Variants in HS3ST5 observed in about 807,000 individuals in gnomAD.
The protein encoded by HS3ST5 is heparan sulfate-glucosamine 3-sulfotransferase 5.
HS3ST5 carries 10 observed loss-of-function variants against 25.4 expected under a neutral mutation model. The ratio of observed to expected loss-of-function variants is 0.39; its 90% CI spans 0.24 to 0.67. The LOEUF (loss-of-function observed/expected upper bound fraction) is 0.67. Among genes scored for constraint, HS3ST5 ranks in the 30% least tolerant of loss-of-function variants. The pLI is 0.44. For missense variants in HS3ST5, 324 were observed against 420.7 expected, an observed-to-expected ratio of 0.77 and a Z score of 2.01; for synonymous variants, 170 against 162.4, an observed-to-expected ratio of 1.05 and a Z score of -0.36.
At chr6:114,309,589 C>T (rs1455070456) in intron 1 of HS3ST5, among the ~76,000 whole-genome samples, 1 of 151,954 alleles carries the variant, frequency 6.6e-6, no homozygotes, top group African/African-American at 2.4e-5. Flanking sequence ...AAAAATTAAC[C>T]GGGCTTGGTG....
In HS3ST5 at chr6:114,068,728, T is replaced by G. The variant is rs192730863; in HGVS notation, c.-32-5851A>C. 2.0e-5 allele frequency among the ~76,000 whole-genome samples: 3 copies of G among 152,122 alleles called. No individual in the cohort carries two copies. The East Asian group carries it at 5.8e-4, about 29-fold the overall frequency. ...TGGGAAATTTATATAAAACTAAAGT[T>G]TTTTTTTAGAAAGTTTATTATTTCT... is the stretch of plus-strand genomic sequence containing the variant. On this transcript the variant is annotated intron_variant, in intron 3 of 4. Coordinates refer to ENST00000312719, the MANE Select transcript of HS3ST5 (RefSeq NM_153612.4).
chr6:114,271,853 T>C (rs977645950), intron 1 of HS3ST5, among the ~76,000 whole-genome samples: 9 of 152,106 alleles, frequency 5.9e-5, no homozygotes, highest in Non-Finnish European at 1.3e-4. Context: ...TTTTCCACTC[T>C]ATGATTGCCA....
intron 1 of HS3ST5, among the ~76,000 whole-genome samples, chr6:114,242,785 G>T (rs1441968131): frequency 4.6e-5 from 7 of 151,326 alleles, no homozygotes; most frequent in African/African-American, 1.7e-4. Context: ...CCCGGGAAGC[G>T]GAGCTTGCAG....
At chr6:114,127,009 G>A (rs1396414318) in intron 3 of HS3ST5, among the ~76,000 whole-genome samples, 1 of 152,052 alleles carries the variant, frequency 6.6e-6, no homozygotes, top group East Asian at 1.9e-4. Context: ...ATATATAAGA[G>A]GTCATTATAA....
chr6:114,120,461 T>C (rs370175844), intron 3 of HS3ST5, among the ~76,000 whole-genome samples: 177 of 152,346 alleles, frequency 1.2e-3, no homozygotes, highest in African/African-American at 3.2e-3. Flanking sequence ...TATCTAACTT[T>C]GAGATTACAT....
chr6:114,180,192 A>G (rs1009157546), intron 2 of HS3ST5, among the ~76,000 whole-genome samples: 1 of 151,986 alleles, frequency 6.6e-6, no homozygotes, highest in African/African-American at 2.4e-5. Context: ...CTTCAATCCA[A>G]TCAAGTTGAC....
chr6:114,247,926 G>A (rs923598268), intron 1 of HS3ST5, among the ~76,000 whole-genome samples: 3 of 151,490 alleles, frequency 2.0e-5, no homozygotes, highest in Admixed American at 6.6e-5. Flanking sequence ...TAAGCCAGGC[G>A]CAGTGGCTCA....
In HS3ST5 at chr6:114,098,613, C is replaced by T. The variant is rs985856311; in HGVS notation, c.-32-35736G>A. Among the ~76,000 whole-genome samples, 23 of 150,272 alleles carry T rather than the reference C, an allele frequency of 1.5e-4. No homozygotes were observed. The Middle Eastern group carries it at 0.011, about 69-fold the overall frequency. ...GAAATTATATATTTATATGCTTGAG[C>T]GTGAAAGACAACTAGGAAATACTTG... is the stretch of plus-strand genomic sequence containing the variant. On this transcript the variant is annotated intron_variant, in intron 3 of 4. Coordinates refer to ENST00000312719, the MANE Select transcript of HS3ST5 (RefSeq NM_153612.4).
At chr6:114,249,810 T>C (rs1314808122) in intron 1 of HS3ST5, among the ~76,000 whole-genome samples, 3 of 152,158 alleles carry the variant, frequency 2.0e-5, no homozygotes, top group Non-Finnish European at 4.4e-5. Context: ...TCATTTCCTT[T>C]CAGCTGTTGT....
intron 2 of HS3ST5, among the ~76,000 whole-genome samples, chr6:114,220,034 C>A (rs1781959176): frequency 6.6e-6 from 1 of 151,952 alleles, no homozygotes; most frequent in Non-Finnish European, 1.5e-5. Flanking sequence ...CCATTTAGAG[C>A]CCTGTCTCTA....
At chr6:114,216,125 C>T (rs1278644795) in intron 2 of HS3ST5, among the ~76,000 whole-genome samples, 1 of 152,110 alleles carries the variant, frequency 6.6e-6, no homozygotes, top group Non-Finnish European at 1.5e-5. Context: ...GGAAACATGC[C>T]TAGTAGGGTC....
At chr6:114,208,068 C>A (rs561503902) in intron 2 of HS3ST5, among the ~76,000 whole-genome samples, 5 of 152,204 alleles carry the variant, frequency 3.3e-5, no homozygotes, top group Admixed American at 6.5e-5. Context: ...CCAAATAATT[C>A]ATAATAACCT....
chr6:114,112,698 A>T (rs1397396340), intron 3 of HS3ST5, among the ~76,000 whole-genome samples: 1 of 152,290 alleles, frequency 6.6e-6, no homozygotes, highest in Non-Finnish European at 1.5e-5. Context: ...TTTCCAGACT[A>T]TCTTACCACA....
intron 1 of HS3ST5, among the ~76,000 whole-genome samples, chr6:114,297,241 C>T (rs1304955071): frequency 6.6e-6 from 1 of 151,944 alleles, no homozygotes; most frequent in African/African-American, 2.4e-5. Context: ...CCACTACACA[C>T]TAGACAAAAA....
chr6:114,121,199 G>C (rs377588161), intron 3 of HS3ST5, among the ~76,000 whole-genome samples: 2 of 152,304 alleles, frequency 1.3e-5, no homozygotes, highest in East Asian at 1.9e-4. Flanking sequence ...TTGTATCACT[G>C]TTCTGACCCA....
chr6:114,239,114 A>G (rs1771988309), intron 1 of HS3ST5: 1 of 152,246 alleles, frequency 6.6e-6, no homozygotes, highest in South Asian at 2.1e-4. Context: ...CAAGCTTTCA[A>G]CTATAAACTT....
chr6:114,237,055 C>A (rs1771891684), intron 1 of HS3ST5, among the ~76,000 whole-genome samples: 1 of 152,196 alleles, frequency 6.6e-6, no homozygotes, highest in Admixed American at 6.5e-5. Flanking sequence ...TGATTTGCGA[C>A]ATCTTCTTGA....
intron 3 of HS3ST5, among the ~76,000 whole-genome samples, chr6:114,083,441 G>C (rs928813360): frequency 1.3e-5 from 2 of 152,052 alleles, no homozygotes; most frequent in Non-Finnish European, 2.9e-5. Flanking sequence ...GTGGGGGAGT[G>C]GGGGTTGGGG....
intron 1 of HS3ST5, among the ~76,000 whole-genome samples, chr6:114,290,450 T>C (rs548306248): frequency 1.3e-5 from 2 of 152,258 alleles, no homozygotes; most frequent in Non-Finnish European, 1.5e-5. Flanking sequence ...TCCTGAAATT[T>C]TGTCTATAAA....
Sources: gnomAD v4.1 joint callset for allele counts (sites outside exome capture counted in the v4.1 genomes callset) on GRCh38, gnomAD v4.1.1 for gene constraint, MANE v1.5 for transcripts, NCBI Gene and HGNC (gene_info 2026-07-23, HGNC 2026-07-21) for gene names.